Variants in GDAP1L1 observed in about 807,000 individuals in gnomAD.
GDAP1L1 encodes ganglioside induced differentiation associated protein 1 like 1, also known as ganglioside-induced differentiation-associated protein 1-like 1.
In GDAP1L1, 21 loss-of-function variants were observed where a neutral mutation model predicts 37.1. The observed-to-expected ratio is 0.57, with a 90% CI of 0.40 to 0.81. The LOEUF (loss-of-function observed/expected upper bound fraction) is 0.81. Ranked by LOEUF, GDAP1L1 falls within the 40% of genes least tolerant of loss-of-function variation. The pLI, the probability that GDAP1L1 is intolerant of heterozygous loss-of-function variation, is 0.00. For missense variants in GDAP1L1, 362 were observed against 491.6 expected (o/e 0.74, Z 2.49); for synonymous variants, 193 against 209.1 (o/e 0.92, Z 0.67).
intron 1 of GDAP1L1, among the ~76,000 whole-genome samples, chr20:44,256,095 GT>G (rs980203385): frequency 6.6e-5 from 10 of 152,334 alleles, no homozygotes; most frequent in African/African-American, 1.9e-4. Flanking sequence ...GAGAGCACTG[GT>G]TTGGGAGTCA....
intron 5 of GDAP1L1, among the ~76,000 whole-genome samples, chr20:44,274,207 C>A (rs999976998): frequency 1.3e-5 from 2 of 152,100 alleles, no homozygotes; most frequent in Non-Finnish European, 2.9e-5. Flanking sequence ...CAGATCCCAT[C>A]CACTCTCATC....
intron 3 of GDAP1L1, among the ~76,000 whole-genome samples, chr20:44,259,822 C>T (rs986587910): frequency 6.6e-6 from 1 of 152,036 alleles, no homozygotes; most frequent in African/African-American, 2.4e-5. Flanking sequence ...CCTGTACATC[C>T]GGCTCCCAGC....
chr20:44,274,638 TCTC>T (rs375739873), intron 5 of GDAP1L1, among the ~76,000 whole-genome samples: 1,547 of 152,256 alleles, frequency 0.01, 34 homozygotes, highest in African/African-American at 0.036. Context: ...TCCTGGTTCT[TCTC>T]CTACCTGAAA....
chr20:44,252,021 C>A (rs1050982583), intron 1 of GDAP1L1, among the ~76,000 whole-genome samples: 1 of 152,196 alleles, frequency 6.6e-6, no homozygotes, highest in African/African-American at 2.4e-5. Flanking sequence ...ATGAAAATAT[C>A]TGATTCCTAG....
intron 5 of GDAP1L1, among the ~76,000 whole-genome samples, chr20:44,271,920 C>T (rs1216069887): frequency 6.6e-6 from 1 of 152,172 alleles, no homozygotes; most frequent in Non-Finnish European, 1.5e-5. Flanking sequence ...GAGAGGAGTA[C>T]CCCAGGCCTG....
intron 5 of GDAP1L1, among the ~76,000 whole-genome samples, chr20:44,276,098 G>T (rs1055957158): frequency 1.3e-5 from 2 of 151,518 alleles, no homozygotes; most frequent in Non-Finnish European, 2.9e-5. Context: ...GAGGCAGGCG[G>T]ATCATCTAAG....
rs772748395 is a variant in GDAP1L1, at chr20:44,258,568, G to A, written c.508G>A (p.Asp170Asn). ...CATCCTGCATCCCGAGCTCACCACCGACTCCATGATCCCCAAGTACGCCAC... is the reference window on the plus strand; with the variant it reads ...CATCCTGCATCCCGAGCTCACCACCAACTCCATGATCCCCAAGTACGCCAC... The part of the protein sequence containing the change: ...GCILHPELTT[D>N]SMIPKYATAE... The change falls in exon 3 of 6, where the codon GAC (aspartate) becomes AAC (asparagine). Residue 170 changes from aspartate to asparagine, a missense_variant. Physicochemically the swap from Asp to Asn is conservative, Grantham distance 23. Transcript: ENST00000342560. 19 of 1,600,106 alleles carry A rather than the reference G, an allele frequency of 1.2e-5. No individual in the cohort carries two copies. In the East Asian group the frequency reaches 2.7e-4, roughly 23 times the overall value.
chr20:44,276,988 A>G (rs2062589524), intron 5 of GDAP1L1, among the ~76,000 whole-genome samples: 1 of 152,046 alleles, frequency 6.6e-6, no homozygotes, highest in African/African-American at 2.4e-5. Flanking sequence ...TATAATTTCC[A>G]TTTAAAACTT....
chr20:44,260,005 G>C (rs994133313), intron 3 of GDAP1L1, among the ~76,000 whole-genome samples: 17 of 152,090 alleles, frequency 1.1e-4, no homozygotes, highest in African/African-American at 4.1e-4. Flanking sequence ...AGGGCGGCCT[G>C]GTACTCTATG....
intron 5 of GDAP1L1, among the ~76,000 whole-genome samples, chr20:44,268,330 A>C (rs1380813573): frequency 2.6e-5 from 4 of 152,242 alleles, no homozygotes; most frequent in Non-Finnish European, 5.9e-5. Flanking sequence ...ATTTGTTAAG[A>C]TAGTAAATGT....
In GDAP1L1 at chr20:44,260,737, TTGGGGAA is replaced by T. The variant is rs1220976236; in HGVS notation, c.547+2134_547+2140del. 2.0e-5 allele frequency among the ~76,000 whole-genome samples: 3 copies of T among 152,010 alleles called. No homozygotes were observed. The East Asian group carries it at 5.8e-4, about 29-fold the overall frequency. On this transcript the variant is annotated intron_variant, in intron 3 of 5. Coordinates refer to ENST00000342560, the MANE Select transcript of GDAP1L1 (RefSeq NM_024034.6). Reference sequence around the variant, plus strand: ...TGGAGTAGGACAGGGTGTATTGTTTTTGGGGAATGGAGGAAGCTCAGTGTGGTGCAAG... The same window carrying T: ...TGGAGTAGGACAGGGTGTATTGTTTTTGGAGGAAGCTCAGTGTGGTGCAAG...
chr20:44,275,232 T>G (rs1568658878), intron 5 of GDAP1L1, among the ~76,000 whole-genome samples: 1 of 152,326 alleles, frequency 6.6e-6, no homozygotes, highest in South Asian at 2.1e-4. Context: ...AAGGATAACC[T>G]TCTGATGAGA....
chr20:44,263,097 T>C (rs945273366), intron 3 of GDAP1L1, 133 bp from the exon 4 acceptor site: 1 of 722,312 alleles, frequency 1.4e-6, no homozygotes, highest in Admixed American at 1.9e-5. Context: ...CAGTGCTCCC[T>C]AAGTGTTGGC....
chr20:44,264,963 C>T (rs572150004), intron 5 of GDAP1L1: 16 of 985,288 alleles, frequency 1.6e-5, no homozygotes, highest in African/African-American at 1.6e-4. Context: ...TGTTCCCTCT[C>T]GATGGGTCCA....
chr20:44,267,697 T>C (rs757101789), intron 5 of GDAP1L1, among the ~76,000 whole-genome samples: 7 of 151,584 alleles, frequency 4.6e-5, no homozygotes, highest in Non-Finnish European at 1.0e-4. Flanking sequence ...AGCAAATGCA[T>C]GTAAGGGGCT....
chr20:44,262,188 G>A (rs963901509), intron 3 of GDAP1L1, among the ~76,000 whole-genome samples: 1 of 152,098 alleles, frequency 6.6e-6, no homozygotes, highest in African/African-American at 2.4e-5. Context: ...TAGGGGTGGG[G>A]AGAAGGGCCT....
At chr20:44,260,825 G>A (rs567531198) in intron 3 of GDAP1L1, among the ~76,000 whole-genome samples, 9 of 152,304 alleles carry the variant, frequency 5.9e-5, no homozygotes, top group Admixed American at 4.6e-4. Context: ...AGGAGGGTCT[G>A]GCAGAATTTG....
At chr20:44,262,898 A>G (rs573234670) in intron 3 of GDAP1L1, among the ~76,000 whole-genome samples, 3 of 150,606 alleles carry the variant, frequency 2.0e-5, no homozygotes, top group African/African-American at 7.3e-5. Context: ...TTTTTTTAAG[A>G]TGGGTTCTTG....
chr20:44,247,902 G>A (rs534769338), intron 1 of GDAP1L1, among the ~76,000 whole-genome samples: 1 of 152,036 alleles, frequency 6.6e-6, no homozygotes, highest in African/African-American at 2.4e-5. Flanking sequence ...GAGAAGAAGC[G>A]CTACTTGGGG....
Sources: allele counts gnomAD v4.1 joint callset (sites outside exome capture counted in the v4.1 genomes callset), GRCh38; gene constraint gnomAD v4.1.1; transcripts MANE v1.5; gene names NCBI Gene and HGNC (gene_info 2026-07-23, HGNC 2026-07-21).